FER: variants seen among roughly 807,000 people sequenced by gnomAD.
FER encodes tyrosine-protein kinase Fer.
FER carries 63 observed loss-of-function variants against 111.0 expected under a neutral mutation model. The observed-to-expected ratio is 0.57, with a 90% CI of 0.46 to 0.70. The LOEUF (loss-of-function observed/expected upper bound fraction) is 0.70, where lower values mean the gene tolerates loss of function less well. FER is among the 30% of genes least tolerant of loss of function. FER has a pLI of 0.00. For missense variants in FER, 914 were observed against 954.0 expected (o/e 0.96, Z 0.55); for synonymous variants, 327 against 313.9 (o/e 1.04, Z -0.44).
chr5:108,881,687 G>T (rs1344949326), intron 8 of FER, among the ~76,000 whole-genome samples: 1 of 152,120 alleles, frequency 6.6e-6, no homozygotes, highest in Non-Finnish European at 1.5e-5. Flanking sequence ...TTGTAGATAG[G>T]TAATTCTTGC....
chr5:108,895,292 A>C (rs939050972), intron 9 of FER, among the ~76,000 whole-genome samples: 1 of 152,156 alleles, frequency 6.6e-6, no homozygotes, highest in Non-Finnish European at 1.5e-5. Context: ...TATGTTGTCT[A>C]TCAGGGTTTG....
At chr5:109,103,691 A>G (rs971816521) in intron 17 of FER, among the ~76,000 whole-genome samples, 1 of 152,172 alleles carries the variant, frequency 6.6e-6, no homozygotes, top group Non-Finnish European at 1.5e-5. Context: ...CTTGTACTTT[A>G]TGAACTGTTT....
At chr5:109,126,490 G>A (rs182757812) in intron 17 of FER, among the ~76,000 whole-genome samples, 1 of 152,208 alleles carries the variant, frequency 6.6e-6, no homozygotes, top group East Asian at 1.9e-4. Flanking sequence ...CTAAATCCAA[G>A]CATGGTTACA....
At chr5:108,974,947 A>C (rs1433522277) in intron 13 of FER, among the ~76,000 whole-genome samples, 1 of 152,230 alleles carries the variant, frequency 6.6e-6, no homozygotes, top group Non-Finnish European at 1.5e-5. Context: ...TGTGTTTACT[A>C]TAAAGACACA....
intron 17 of FER, among the ~76,000 whole-genome samples, chr5:109,136,084 T>C (rs1372310081): frequency 6.6e-6 from 1 of 151,784 alleles, no homozygotes; most frequent in South Asian, 2.1e-4. Flanking sequence ...GGCGAAACCC[T>C]GTTTTTACTA....
At chr5:109,166,482 C>T (rs1427396345) in intron 17 of FER, among the ~76,000 whole-genome samples, 1 of 152,178 alleles carries the variant, frequency 6.6e-6, no homozygotes, top group African/African-American at 2.4e-5. Context: ...TCTGCCCATT[C>T]TTACTGTTGA....
chr5:109,014,942 A>G (rs1454665383), intron 13 of FER: 1 of 152,118 alleles, frequency 6.6e-6, no homozygotes, highest in Non-Finnish European at 1.5e-5. Context: ...AGCGAGCACT[A>G]TGTTTGCTTT....
chr5:108,890,636 C>T (rs1179624039), intron 9 of FER, among the ~76,000 whole-genome samples: 1 of 152,090 alleles, frequency 6.6e-6, no homozygotes, highest in Non-Finnish European at 1.5e-5. Flanking sequence ...GCCTATCCTA[C>T]TCCTGTATAA....
intron 11 of FER, among the ~76,000 whole-genome samples, chr5:108,951,072 CA>C (rs1340305533): frequency 2.6e-5 from 4 of 151,940 alleles, no homozygotes; most frequent in African/African-American, 9.7e-5. Context: ...ACTTTGAGAC[CA>C]CACTGGCCAA....
chr5:108,965,606 C>T (rs1759706119), intron 13 of FER, among the ~76,000 whole-genome samples: 1 of 152,032 alleles, frequency 6.6e-6, no homozygotes, highest in Admixed American at 6.5e-5. Context: ...TTATAATTTA[C>T]CCTAAATCAA....
chr5:108,863,904 T>A (rs755417717), intron 5 of FER, among the ~76,000 whole-genome samples: 1 of 152,182 alleles, frequency 6.6e-6, no homozygotes, highest in African/African-American at 2.4e-5. Context: ...GTGATTCAAG[T>A]TTTTTTCTTT....
chr5:109,039,863 A>C (rs905342538), intron 14 of FER, among the ~76,000 whole-genome samples: 1 of 152,094 alleles, frequency 6.6e-6, no homozygotes, highest in Non-Finnish European at 1.5e-5. Flanking sequence ...GAATGGCATG[A>C]TCTTTTTTAA....
At chr5:108,791,321 T>A (rs991340573) in intron 2 of FER, among the ~76,000 whole-genome samples, 17 of 130,180 alleles carry the variant, frequency 1.3e-4, no homozygotes, top group African/African-American at 5.1e-4. Context: ...TCTTTTTTGA[T>A]TAGAGACATT....
intron 3 of FER, among the ~76,000 whole-genome samples, chr5:108,825,483 C>A (rs1302950169): frequency 2.0e-5 from 3 of 152,184 alleles, no homozygotes; most frequent in African/African-American, 7.2e-5. Context: ...CTCTCTTATT[C>A]CCTGAACAAT....
chr5:109,040,698 G>C (rs926220383), intron 14 of FER, among the ~76,000 whole-genome samples: 1 of 152,096 alleles, frequency 6.6e-6, no homozygotes, highest in Non-Finnish European at 1.5e-5. Context: ...AGTTTCAAGA[G>C]AATGATTTGT....
At chr5:108,874,223 T>C (rs984647113) in intron 8 of FER, among the ~76,000 whole-genome samples, 1 of 152,234 alleles carries the variant, frequency 6.6e-6, no homozygotes, top group African/African-American at 2.4e-5. Flanking sequence ...TATAAGCTTA[T>C]GTAAAATCAG....
intron 2 of FER, chr5:108,784,104 G>T: frequency 6.5e-6 from 1 of 154,624 alleles, no homozygotes; most frequent in South Asian, 1.8e-4. Flanking sequence ...CATCATGACT[G>T]AGCAGATGAC....
Position 109,193,218 on chromosome 5 carries a change from C to T in FER, c.*5643C>T, listed in dbSNP as rs546164993. The T allele has an allele frequency of 8.5e-5, 13 of 152,278 alleles. No individual in the cohort carries two copies. The highest frequency in any genetic ancestry group is 3.1e-4 in the African/African-American group (13 of 41,550). The allele number at this position is 152,278 out of a possible 1,614,324, so 9.4% of individuals were successfully genotyped here. On this transcript the variant is annotated 3_prime_UTR_variant, in exon 20 of 20. Coordinates refer to ENST00000281092, the MANE Select transcript of FER (RefSeq NM_005246.4). The stretch of plus-strand genomic sequence containing the variant: ...TTATTTAATCAGAATTACCCTTGCT[C>T]TGTTTATCTGTGAGGCCTCAGACAC...
chr5:108,956,642 C>A (rs894368806), intron 12 of FER, among the ~76,000 whole-genome samples: 2 of 151,534 alleles, frequency 1.3e-5, no homozygotes, highest in Non-Finnish European at 3.0e-5. Context: ...TCAAATATCT[C>A]TGTTAAAGAT....
Sources: allele counts gnomAD v4.1 joint callset (sites outside exome capture counted in the v4.1 genomes callset), GRCh38; gene constraint gnomAD v4.1.1; transcripts MANE v1.5; gene names NCBI Gene and HGNC (gene_info 2026-07-23, HGNC 2026-07-21).